The following TTN variants were observed in gnomAD, a reference collection of about 807,000 sequenced individuals.
TTN encodes the protein titin.
TTN carries 1,525 observed loss-of-function variants against 3,223.0 expected under a neutral mutation model. The observed-to-expected ratio is 0.47, with a 90% CI of 0.45 to 0.49. TTN has a LOEUF of 0.49. Ranked by LOEUF, TTN falls within the 20% of genes least tolerant of loss-of-function variation. The pLI, the probability that TTN is intolerant of heterozygous loss-of-function variation, is 0.00. For synonymous variants in TTN, 14,094 were observed against 15,161.0 expected (o/e 0.93, Z 5.17); for missense variants, 40,786 against 43,424.0 (o/e 0.94, Z 5.40).
Position 178,559,878 on chromosome 2 carries a change from GTTC to G in TTN, c.86251_86253del (p.Glu28751del), listed in dbSNP as rs769287686. 2.8e-5 allele frequency: 45 copies of G among 1,612,670 alleles called. 1 individual carries two copies. The highest frequency in any genetic ancestry group is 2.5e-4 in the South Asian group (23 of 91,054). On this transcript the variant is annotated inframe_deletion, in exon 326 of 363. Transcript: ENST00000589042. ...ATTTCACTGTCAATATCAAATAAAG[GTTC>G]TTCTTCTCTTTCCTTTGCTATCTGA...
rs2060063750 is a variant in TTN at position 178,633,532 on chromosome 2, G to A, written c.42827C>T (p.Ser14276Phe). The A allele has an allele frequency of 6.2e-7, 1 of 1,613,376 alleles. No individual in the cohort carries two copies. Among genetic ancestry groups the A allele is most frequent in the Admixed American group, 1.7e-5 (1 of 59,970 alleles). Residue 14276 changes from serine (S) to phenylalanine (F), a missense_variant, in exon 232 of 363, where the codon TCT becomes TTT. Transcript: ENST00000589042. ...GEEIVPSPKYSIKADGLRRIL... is the reference protein window; with the variant it reads ...GEEIVPSPKYFIKADGLRRIL... ...GCGGCGCAGGCCATCTGCCTTGATA[G>A]AATATTTGGGTGAAGGGACAATCTC... is the stretch of plus-strand genomic sequence containing the variant.
rs727505201 is a variant in TTN at position 178,637,426 on chromosome 2, T to C, written c.40877-7A>G. 1.8e-5 allele frequency: 26 copies of C among 1,473,280 alleles called. No homozygotes were observed. In the Middle Eastern group the frequency reaches 3.7e-3, roughly 208 times the overall value. 91.3% of individuals were successfully genotyped at this position (1,473,280 alleles called of 1,614,324 possible). The stretch of plus-strand genomic sequence containing the variant: ...TCCTTAGGTGCTTTGGCTTCTGAAA[T>C]AAAAATAAAACTCAGCATTTAAACA... On this transcript the variant is annotated splice_polypyrimidine_tract_variant and splice_region_variant and intron_variant, in intron 223 of 362. Coordinates refer to ENST00000589042, the MANE Select transcript of TTN (RefSeq NM_001267550.2).
In TTN at chr2:178,587,335, G is replaced by A. The variant is rs199598302; in HGVS notation, c.63876C>T (p.Asn21292=). 1.7e-3 allele frequency: 2,723 copies of A among 1,612,614 alleles called. 59 individuals are homozygous for A. In the South Asian group the frequency reaches 0.026, roughly 15 times the overall value. The change falls in exon 307 of 363, where the codon AAC becomes AAT. Residue 21292 remains asparagine, a synonymous_variant. Coordinates refer to ENST00000589042, the MANE Select transcript of TTN (RefSeq NM_001267550.2). ...AATGTGTCACTTGGCTCCCACCGTC[G>A]TTTTCAGGAGGGGCCCAGGACACAT... ...SCHVSWAPPE[N]DGGSQVTHYI...
At position 178,629,017 on chromosome 2, in the gene TTN, A is replaced by C. The variant is rs2059440386; in HGVS notation, c.44424+284T>G. 2.0e-5 allele frequency among the ~76,000 whole-genome samples: 3 copies of C among 152,226 alleles called. No homozygotes were observed. In the South Asian group the frequency reaches 6.2e-4, roughly 32 times the overall value. ...TCCTTCCTGCCTTCTGGTTAATCAA[A>C]CTATCATTCATAGTCAATGAGTCTT... On this transcript the variant is annotated intron_variant, in intron 240 of 362. Transcript: ENST00000589042.
Position 178,776,658 on chromosome 2 carries a change from C to T in TTN, c.5206G>A (p.Val1736Met), listed in dbSNP as rs2092259333. ...LTPIGDPTMV[V>M]EWLHDGKPLE... ...GGCTTTCCATCATGGAGCCACTCCA[C>T]CACCATCGTTGGGTCACCAATGGGT... is the stretch of plus-strand genomic sequence containing the variant. The change falls in exon 28 of 363, where the codon GTG (valine) becomes ATG (methionine). Residue 1736 changes from valine to methionine, a missense_variant. By Grantham distance (21) the Val-to-Met change is conservative. Transcript: ENST00000589042. 1 of 1,614,014 alleles carries T rather than the reference C, an allele frequency of 6.2e-7. No individual in the cohort carries two copies. Among genetic ancestry groups the T allele is most frequent in the African/African-American group, 1.3e-5 (1 of 74,930 alleles).
In TTN at chr2:178,720,226, T is replaced by G; in HGVS notation, c.23416A>C (p.Thr7806Pro). The stretch of plus-strand genomic sequence containing the variant: ...AACTCAACAGCATCCCCAATAAGGG[T>G]TGAGGTGTCACTTAGCTTTTTCACG... ...RFVKKLSDTS[T>P]LIGDAVELRA... The change falls in exon 81 of 363, where the codon ACC (threonine) becomes CCC (proline). Residue 7806 changes from threonine to proline, a missense_variant. Coordinates refer to ENST00000589042, the MANE Select transcript of TTN (RefSeq NM_001267550.2). 1 of 1,613,034 alleles carries G rather than the reference T, an allele frequency of 6.2e-7. No individual in the cohort carries two copies. Among genetic ancestry groups the G allele is most frequent in the Non-Finnish European group, 8.5e-7 (1 of 1,179,320 alleles).
rs748750008 is a variant in TTN, at chr2:178,558,602, T to G, written c.86857A>C (p.Ser28953Arg). The G allele has an allele frequency of 1.2e-6, 2 of 1,612,770 alleles. No individual in the cohort carries two copies. Among genetic ancestry groups the G allele is most frequent in the South Asian group, 1.1e-5 (1 of 90,582 alleles). Residue 28953 changes from serine to arginine, a missense_variant, in exon 327 of 363, where the codon AGT (serine) becomes CGT (arginine). Physicochemically the swap from Ser to Arg is moderately radical, Grantham distance 110. Transcript: ENST00000589042. Reference protein sequence around the residue: ...PSPPEKLGVTSISKDSVSLTW... With the variant: ...PSPPEKLGVTRISKDSVSLTW... The stretch of plus-strand genomic sequence containing the variant: ...AGGGAAACACTGTCTTTGGATATAC[T>G]TGTTACTCCAAGTTTTTCAGGTGGG...
At position 178,527,691 on chromosome 2, in the gene TTN, A is replaced by G; in HGVS notation, c.107435T>C (p.Leu35812Ser). 1 of 1,613,132 alleles carries G rather than the reference A, an allele frequency of 6.2e-7. No homozygotes were observed. Among genetic ancestry groups the G allele is most frequent in the Non-Finnish European group, 8.5e-7 (1 of 1,179,182 alleles). The change falls in exon 362 of 363, where the codon TTG (leucine) becomes TCG (serine). Residue 35812 changes from leucine (L) to serine (S), a missense_variant. Coordinates refer to ENST00000589042, the MANE Select transcript of TTN (RefSeq NM_001267550.2). ...TGACTGAGACGAGAAGCTTCCTTGC[A>G]AGCTTGTGTCACCACTTGTTCTCAA... Reference protein sequence around the residue: ...VVLRTSGDTSLQGSFSSQSVQ... With the variant: ...VVLRTSGDTSSQGSFSSQSVQ...
Position 178,739,211 on chromosome 2 carries a change from C to T in TTN, c.14022G>A (p.Glu4674=), listed in dbSNP as rs761849101. The change falls in exon 48 of 363, where the codon GAG becomes GAA. Residue 4674 remains glutamate (E), a synonymous_variant. Transcript: ENST00000589042. ...TGTCATTCAAGGCCTCACAGACATACTCTCCTTGATGGTCTTCGGTATTTA... is the reference window on the plus strand; with the variant it reads ...TGTCATTCAAGGCCTCACAGACATATTCTCCTTGATGGTCTTCGGTATTTA... ...DKVNTEDHQG[E]YVCEALNDSG... 3.8e-6 allele frequency: 6 copies of T among 1,561,192 alleles called. 1 individual carries two copies. Among genetic ancestry groups the T allele is most frequent in the South Asian group, 2.5e-5 (2 of 81,074 alleles).
chr2:178,550,347 G>A, intron 336 of TTN, 74 bp from the exon 337 acceptor site: 1 of 1,270,526 alleles, frequency 7.9e-7, no homozygotes, highest in Non-Finnish European at 1.1e-6. Context: ...TTTTTCAGTA[G>A]TGCCATATCA....
In TTN at chr2:178,740,082, AGCAAGCTTTCCT is replaced by A. The variant is rs757770633; in HGVS notation, c.13139_13150del (p.Lys4380_Leu4384delinsIle). On this transcript the variant is annotated inframe_deletion, in exon 48 of 363. Transcript: ENST00000589042. ...TCTCTGCTCTTCTGGAATACCAGAAAGCAAGCTTTCCTTAGAAAGAAGGTCCCTTCCCTGTAC... is the reference window on the plus strand; with the variant it reads ...TCTCTGCTCTTCTGGAATACCAGAAATAGAAAGAAGGTCCCTTCCCTGTAC... 1.2e-6 allele frequency: 2 copies of A among 1,613,736 alleles called. No homozygotes were observed. The highest frequency in any genetic ancestry group is 1.7e-6 in the Non-Finnish European group (2 of 1,179,840).
chr2:178,641,132 T>G, intron 220 of TTN, 109 bp downstream of exon 220: 1 of 716,652 alleles, frequency 1.4e-6, no homozygotes, highest in Non-Finnish European at 2.3e-6. Context: ...ACAGATGAAA[T>G]ATGAAGCCAT....
Position 178,709,606 on chromosome 2 carries a change from A to G in TTN, c.28713T>C (p.Asp9571=), listed in dbSNP as rs796888116. 8.1e-6 allele frequency: 13 copies of G among 1,613,792 alleles called. No individual in the cohort carries two copies. Among genetic ancestry groups the G allele is most frequent in the Middle Eastern group, 3.3e-4 (2 of 6,058 alleles). ...AGLYTCKVSN[D]AGSALCTSSI... ...AAGACGTGCACAGAGCAGAGCCTGC[A>G]TCATTGGACACTTTGCATGTGTACA... Residue 9571 remains aspartate (D), a synonymous_variant, in exon 99 of 363, where the codon GAT becomes GAC. Coordinates refer to ENST00000589042, the MANE Select transcript of TTN (RefSeq NM_001267550.2).
In TTN at chr2:178,653,244, C is replaced by G; in HGVS notation, c.38785G>C (p.Val12929Leu). The change falls in exon 198 of 363, where the codon GTT (valine) becomes CTT (leucine). Residue 12929 changes from valine to leucine, a missense_variant. Physicochemically the swap from Val to Leu is conservative, Grantham distance 32. Coordinates refer to ENST00000589042, the MANE Select transcript of TTN (RefSeq NM_001267550.2). ...TAAGGTCAGTGACAAATACCTTTAA[C>G]AGGTGGGACTTCAGGCTTTTTAGGA... is the stretch of plus-strand genomic sequence containing the variant. ...APPKKPEVPP[V>L]KVPEAPKEVV... 2 of 1,612,080 alleles carry G rather than the reference C, an allele frequency of 1.2e-6. No homozygotes were observed.
At chr2:178,637,187 A>ATATCTATC (rs1164479649) in intron 224 of TTN, among the ~76,000 whole-genome samples, 182 bp downstream of exon 224, 75 of 125,292 alleles carry the variant, frequency 6.0e-4, no homozygotes, top group African/African-American at 2.2e-3. Flanking sequence ...ATATATATAT[A>ATATCTATC]TATCTCCTTG....
In TTN at chr2:178,599,212, C is replaced by A; in HGVS notation, c.56581G>T (p.Ala18861Ser). The A allele has an allele frequency of 6.6e-7, 1 of 1,522,678 alleles. No individual in the cohort carries two copies. Among genetic ancestry groups the A allele is most frequent in the African/African-American group, 1.4e-5 (1 of 71,850 alleles). 94.3% of individuals were successfully genotyped at this position (1,522,678 alleles called of 1,614,324 possible). A position where few individuals can be genotyped will look rare whatever the true frequency, so the allele number is the denominator to read the frequency against. ...EGHEYVFRIM[A>S]QNKYGIGEPL... ...TCTCCAATGCCATATTTATTCTGGG[C>A]CATGATTCGGAATACATATTCATGG... The change falls in exon 290 of 363, where the codon GCC (alanine) becomes TCC (serine). Residue 18861 changes from alanine (A) to serine (S), a missense_variant. Ala to Ser is a moderately conservative substitution (Grantham distance 99). Transcript: ENST00000589042.
rs747732590 is a variant in TTN at position 178,535,534 on chromosome 2, C to G, written c.101081G>C (p.Arg33694Thr). The change falls in exon 358 of 363, where the codon AGA (arginine) becomes ACA (threonine). Residue 33694 changes from arginine (R) to threonine (T), a missense_variant. Transcript: ENST00000589042. ...TGAGACATCACTAACTTTGACTCCTCTGGGTGGGTCAGGAACATCAGCCAC... is the reference window on the plus strand; with the variant it reads ...TGAGACATCACTAACTTTGACTCCTGTGGGTGGGTCAGGAACATCAGCCAC... ...LDVADVPDPP[R>T]GVKVSDVSRD... The G allele has an allele frequency of 6.2e-7, 1 of 1,613,760 alleles. No homozygotes were observed. Among genetic ancestry groups the G allele is most frequent in the Admixed American group, 1.7e-5 (1 of 59,990 alleles).
chr2:178,612,022 G>A (rs1318081522), intron 267 of TTN, 35 bp downstream of exon 267: 1 of 1,602,616 alleles, frequency 6.2e-7, no homozygotes, highest in African/African-American at 1.3e-5. Flanking sequence ...GCAGCCAAGT[G>A]TAAGTTATTC....
In TTN at chr2:178,764,703, G is replaced by A. The variant is rs867536098; in HGVS notation, c.9812C>T (p.Ser3271Phe). 1.9e-6 allele frequency: 3 copies of A among 1,614,132 alleles called. No individual in the cohort carries two copies. The highest frequency in any genetic ancestry group is 1.7e-5 in the Admixed American group (1 of 60,022). The change falls in exon 42 of 363, where the codon TCC (serine) becomes TTC (phenylalanine). Residue 3271 changes from serine to phenylalanine, a missense_variant. Ser to Phe is a radical substitution (Grantham distance 155, BLOSUM62 -2). Transcript: ENST00000589042. ...AAGCAGCTGCTCTTCCTTGTACCAG[G>A]AAATTTTGGGCTGTGGTCTTCCGGA... is the stretch of plus-strand genomic sequence containing the variant. ...VISGRPQPKI[S>F]WYKEEQLLST...
Sources: gnomAD v4.1 joint callset for allele counts (sites outside exome capture counted in the v4.1 genomes callset) on GRCh38, gnomAD v4.1.1 for gene constraint, MANE v1.5 for transcripts, NCBI Gene and HGNC (gene_info 2026-07-23, HGNC 2026-07-21) for gene names.